Variants in LIN28B observed in about 807,000 individuals in gnomAD.
LIN28B encodes protein lin-28 homolog B.
LIN28B carries 5 observed loss-of-function variants against 21.9 expected under a neutral mutation model. The ratio of observed to expected loss-of-function variants is 0.23; its 90% confidence interval spans 0.12 to 0.48. LIN28B has a LOEUF of 0.48. Ranked by LOEUF, LIN28B falls within the 20% of genes least tolerant of loss-of-function variation. The pLI is 0.98. For synonymous variants in LIN28B, 109 were observed against 111.3 expected, an observed-to-expected ratio of 0.98 and a Z score of 0.13; for missense variants, 245 against 310.5, an observed-to-expected ratio of 0.79 and a Z score of 1.58.
chr6:104,992,708 C>T (rs1282789497), intron 2 of LIN28B, among the ~76,000 whole-genome samples: 1 of 151,892 alleles, frequency 6.6e-6, no homozygotes, highest in East Asian at 1.9e-4. Flanking sequence ...TGGGATCTCT[C>T]TATGGTGCCC....
intron 3 of LIN28B, among the ~76,000 whole-genome samples, chr6:105,069,497 G>C (rs1772289075): frequency 6.6e-6 from 1 of 151,976 alleles, no homozygotes; most frequent in Non-Finnish European, 1.5e-5. Context: ...AACCAAGGTG[G>C]GAGGATTACT....
At chr6:105,050,068 C>T (rs949827584) in intron 3 of LIN28B, among the ~76,000 whole-genome samples, 12 of 152,054 alleles carry the variant, frequency 7.9e-5, no homozygotes, top group Non-Finnish European at 1.3e-4. Context: ...TTATTTTGCT[C>T]GTTAGTTGAT....
chr6:105,038,089 A>G (rs1395929888), intron 3 of LIN28B, among the ~76,000 whole-genome samples: 1 of 152,146 alleles, frequency 6.6e-6, no homozygotes, highest in Non-Finnish European at 1.5e-5. Context: ...TACAAACCAT[A>G]AGGGATAAGA....
chr6:104,994,373 C>A (rs2114276977), intron 2 of LIN28B, among the ~76,000 whole-genome samples: 1 of 152,230 alleles, frequency 6.6e-6, no homozygotes, highest in African/African-American at 2.4e-5. Context: ...AATTGTTTTA[C>A]TAAGAATTAG....
intron 2 of LIN28B, among the ~76,000 whole-genome samples, chr6:104,996,415 G>T (rs1278721980): frequency 2.0e-5 from 3 of 152,188 alleles, no homozygotes; most frequent in African/African-American, 7.2e-5. Context: ...AATTGTTTAT[G>T]TTCAACAGAA....
At chr6:104,943,419 CTT>C (rs935717150) in intron 2 of LIN28B, among the ~76,000 whole-genome samples, 1 of 152,006 alleles carries the variant, frequency 6.6e-6, no homozygotes, top group East Asian at 1.9e-4. Flanking sequence ...AGTGATGTCT[CTT>C]TAAAAATAAT....
intron 2 of LIN28B, among the ~76,000 whole-genome samples, chr6:104,983,245 C>A (rs767107773): frequency 2.3e-4 from 35 of 152,122 alleles, no homozygotes; most frequent in Admixed American, 4.6e-4. Context: ...AAAGCATCAA[C>A]CATGCATCTG....
chr6:105,018,411 T>C (rs972753685), intron 2 of LIN28B, among the ~76,000 whole-genome samples: 1 of 152,184 alleles, frequency 6.6e-6, no homozygotes, highest in Non-Finnish European at 1.5e-5. Context: ...AACATTGTAT[T>C]AACTATTCCT....
chr6:105,021,609 A>G (rs1242253962), intron 2 of LIN28B, among the ~76,000 whole-genome samples: 1 of 152,072 alleles, frequency 6.6e-6, no homozygotes, highest in Non-Finnish European at 1.5e-5. Context: ...AACGTTGAAC[A>G]TTTTTCATAC....
intron 3 of LIN28B, among the ~76,000 whole-genome samples, chr6:105,039,625 A>G (rs947731817): frequency 1.3e-5 from 2 of 152,172 alleles, no homozygotes; most frequent in African/African-American, 2.4e-5. Flanking sequence ...CTTACTCTTA[A>G]GAGGCAGAGA....
intron 3 of LIN28B, among the ~76,000 whole-genome samples, chr6:105,042,215 T>G (rs1012308025): frequency 6.6e-6 from 1 of 151,994 alleles, no homozygotes; most frequent in South Asian, 2.1e-4. Context: ...AGACACTGAA[T>G]TGGGGGAAGG....
intron 2 of LIN28B, among the ~76,000 whole-genome samples, chr6:104,963,421 G>A (rs1487607300): frequency 1.3e-5 from 2 of 152,106 alleles, no homozygotes; most frequent in African/African-American, 2.4e-5. Flanking sequence ...TTCAAGTGGT[G>A]GTGCATTTCT....
chr6:104,957,773 A>G (rs1218356087), intron 1 of LIN28B, among the ~76,000 whole-genome samples: 4 of 152,146 alleles, frequency 2.6e-5, no homozygotes, highest in Non-Finnish European at 5.9e-5. Flanking sequence ...TCAGTATTAA[A>G]TCAGCAATAT....
chr6:105,014,380 C>T (rs957969343), intron 2 of LIN28B, among the ~76,000 whole-genome samples: 8 of 152,202 alleles, frequency 5.3e-5, no homozygotes, highest in Non-Finnish European at 7.3e-5. Flanking sequence ...AGTGCAGTGG[C>T]GCAATCTTGG....
chr6:104,983,908 C>T (rs768999427), intron 2 of LIN28B, among the ~76,000 whole-genome samples: 5 of 152,108 alleles, frequency 3.3e-5, no homozygotes, highest in African/African-American at 4.8e-5. Context: ...TTTTTCTGAT[C>T]GGCTACAGAC....
At chr6:104,944,824 A>C (rs1007541415) in intron 2 of LIN28B, among the ~76,000 whole-genome samples, 1 of 152,128 alleles carries the variant, frequency 6.6e-6, no homozygotes, top group Non-Finnish European at 1.5e-5. Context: ...TTAAGGGTCA[A>C]AGGTGACAAA....
intron 2 of LIN28B, among the ~76,000 whole-genome samples, chr6:104,962,169 T>G (rs1334729921): frequency 6.6e-6 from 1 of 152,140 alleles, no homozygotes; most frequent in African/African-American, 2.4e-5. Context: ...GTATATATAC[T>G]TGGCATTCCT....
At chr6:105,076,789 A>G (rs1772433372) in intron 3 of LIN28B, among the ~76,000 whole-genome samples, 1 of 151,854 alleles carries the variant, frequency 6.6e-6, no homozygotes, top group African/African-American at 2.4e-5. Context: ...TATTTTTAGT[A>G]GAGGCAGAGT....
chr6:104,969,457 CA>C (rs149662994), intron 2 of LIN28B, among the ~76,000 whole-genome samples: 6 of 151,624 alleles, frequency 4.0e-5, no homozygotes, highest in Admixed American at 6.6e-5. Flanking sequence ...ACAACAACAA[CA>C]AAAAAAAGCC....
Sources: allele counts gnomAD v4.1 joint callset (sites outside exome capture counted in the v4.1 genomes callset), GRCh38; gene constraint gnomAD v4.1.1; transcripts MANE v1.5; gene names NCBI Gene and HGNC (gene_info 2026-07-23, HGNC 2026-07-21).